Variants in SATL1 observed in about 807,000 individuals in gnomAD.
SATL1 encodes the protein spermidine/spermine N1-acetyl transferase like 1.
In SATL1, 47 loss-of-function variants were observed where a neutral mutation model predicts 51.8. The ratio of observed to expected loss-of-function variants is 0.91; its 90% confidence interval spans 0.72 to 1.16. The LOEUF (loss-of-function observed/expected upper bound fraction) is 1.16, where lower values mean the gene tolerates loss of function less well. Ranked by LOEUF, SATL1 falls within the 50% of genes most tolerant of loss-of-function variation. SATL1 has a pLI of 0.00. For synonymous variants in SATL1, 176 were observed against 182.4 expected (o/e 0.97, Z 0.28); for missense variants, 520 against 526.4 (o/e 0.99, Z 0.12).
At chrX:85,189,484 C>T (rs1244226065) in intron 2 of SATL1, among the ~76,000 whole-genome samples, 1 of 111,959 alleles carries the variant, frequency 8.9e-6, no homozygotes, top group African/African-American at 3.2e-5. Context: ...TTTTGGGCTT[C>T]CCCACAGTTA....
intron 2 of SATL1, among the ~76,000 whole-genome samples, chrX:85,163,719 G>T (rs893124071): frequency 7.2e-5 from 8 of 111,580 alleles, no homozygotes; most frequent in African/African-American, 2.6e-4. Flanking sequence ...CTGATGAAAA[G>T]AATGCATATT....
intron 2 of SATL1, among the ~76,000 whole-genome samples, chrX:85,216,235 A>G (rs1474361572): frequency 9.0e-6 from 1 of 111,038 alleles, no homozygotes; most frequent in African/African-American, 3.3e-5. Context: ...GCACCAAATC[A>G]TTCATGAGGA....
rs757470510 is a variant in SATL1, at chrX:85,128,834, G to A, written c.-312-19554C>T. 1.1e-4 allele frequency among the ~76,000 whole-genome samples: 12 copies of A among 112,056 alleles called. No individual in the cohort carries two copies. The East Asian group carries it at 2.2e-3, about 21-fold the overall frequency. On this transcript the variant is annotated intron_variant, in intron 2 of 7. Transcript: ENST00000644105. Reference sequence around the variant, plus strand: ...GAATTAATTTTTGTATAAGGTGTAAGGAAGGGATCCAGTTTCAGCTTTCTA... The same window carrying A: ...GAATTAATTTTTGTATAAGGTGTAAAGAAGGGATCCAGTTTCAGCTTTCTA...
chrX:85,191,146 T>C (rs1927429111), intron 2 of SATL1, among the ~76,000 whole-genome samples: 2 of 110,998 alleles, frequency 1.8e-5, no homozygotes, highest in Admixed American at 1.9e-4. Flanking sequence ...ATGATACCCA[T>C]TATTTATGCA....
intron 2 of SATL1, among the ~76,000 whole-genome samples, chrX:85,222,924 A>T (rs1928202828): frequency 8.9e-6 from 1 of 112,040 alleles, no homozygotes; most frequent in Non-Finnish European, 1.9e-5. Context: ...TACTCTTCTA[A>T]CTAGAAGTCT....
intron 2 of SATL1, chrX:85,211,021 G>T (rs1424300518): frequency 9.0e-6 from 1 of 111,189 alleles, no homozygotes; most frequent in Non-Finnish European, 1.9e-5. Flanking sequence ...CCTCAAGGGT[G>T]GTTGTGGGCA....
At chrX:85,119,801 A>T (rs1292941962) in intron 2 of SATL1, among the ~76,000 whole-genome samples, 1 of 111,408 alleles carries the variant, frequency 9.0e-6, no homozygotes, top group Non-Finnish European at 1.9e-5. Context: ...GTGGAGAAAA[A>T]CTATCCTTAA....
chrX:85,151,890 C>A (rs1926449534), intron 2 of SATL1, among the ~76,000 whole-genome samples: 1 of 111,283 alleles, frequency 9.0e-6, no homozygotes, highest in South Asian at 3.8e-4. Context: ...CAATACCATT[C>A]AGGACATAGG....
intron 2 of SATL1, among the ~76,000 whole-genome samples, chrX:85,114,825 C>G (rs1432800567): frequency 3.6e-5 from 4 of 112,516 alleles, no homozygotes; most frequent in African/African-American, 1.3e-4. Flanking sequence ...TCTATACAAT[C>G]TTAATCAGTT....
chrX:85,187,005 G>A (rs1006645413), intron 2 of SATL1, among the ~76,000 whole-genome samples: 3 of 111,521 alleles, frequency 2.7e-5, no homozygotes, highest in Non-Finnish European at 5.7e-5. Context: ...TCATCCATGG[G>A]CATGGGCTAT....
intron 3 of SATL1, among the ~76,000 whole-genome samples, chrX:85,104,894 A>G (rs1028257525): frequency 9.0e-5 from 10 of 111,614 alleles, no homozygotes; most frequent in African/African-American, 2.6e-4. Flanking sequence ...TTTTCAATCC[A>G]TGGTTGTTTG....
chrX:85,200,428 T>G (rs1927665252), intron 2 of SATL1, among the ~76,000 whole-genome samples: 1 of 112,326 alleles, frequency 8.9e-6, no homozygotes, highest in South Asian at 3.7e-4. Flanking sequence ...TATTATCTCA[T>G]TTAGCATTCG....
intron 2 of SATL1, among the ~76,000 whole-genome samples, chrX:85,156,813 T>TTATATATA (rs71933802): frequency 6.4e-5 from 4 of 62,246 alleles, no homozygotes; most frequent in Non-Finnish European, 8.3e-5. Flanking sequence ...CATGTGGAGA[T>TTATATATA]TATATATATA....
At chrX:85,231,601 T>C (rs759953561) in intron 1 of SATL1, among the ~76,000 whole-genome samples, 1 of 111,864 alleles carries the variant, frequency 8.9e-6, no homozygotes, top group African/African-American at 3.2e-5. Flanking sequence ...AGTGGCAGAG[T>C]GGTGCAAAGA....
At chrX:85,094,290 C>G (rs983766581) in intron 5 of SATL1, 61 bp from the exon 6 acceptor site, 17 of 613,341 alleles carry the variant, frequency 2.8e-5, no homozygotes, top group Non-Finnish European at 4.1e-5. Context: ...TTCTTTACCC[C>G]CAAATTGAAT....
At chrX:85,167,942 C>T (rs746172464) in intron 2 of SATL1, among the ~76,000 whole-genome samples, 3 of 110,173 alleles carry the variant, frequency 2.7e-5, no homozygotes, top group Admixed American at 1.9e-4. Context: ...CGATCAAGTA[C>T]GCTTTATCCC....
rs865804630 is a variant in SATL1, at chrX:85,108,469, C to T, written c.500G>A (p.Gly167Asp). 9 of 1,211,808 alleles carry T rather than the reference C, an allele frequency of 7.4e-6. No individual in the cohort carries two copies. In the East Asian group the frequency reaches 2.7e-4, roughly 36 times the overall value. The change falls in exon 3 of 8, where the codon GGC (glycine) becomes GAC (aspartate). Residue 167 changes from glycine to aspartate, a missense_variant. Physicochemically the swap from Gly to Asp is moderately conservative, Grantham distance 94 (BLOSUM62 -1). Transcript: ENST00000644105. ...TTGCCATGTGCCTGGTTGGCTCATG[C>T]CTATTTGGCTTGTGCCTAATTGGCT... ...GTSQLGTSQI[G>D]MSQPGTWQTG... is the part of the protein sequence containing the mutation.
intron 2 of SATL1, among the ~76,000 whole-genome samples, chrX:85,191,585 TACTGATA>T (rs1275095403): frequency 8.9e-6 from 1 of 112,012 alleles, no homozygotes; most frequent in Non-Finnish European, 1.9e-5. Context: ...CTAGAAGCCT[TACTGATA>T]ACATAAACAG....
chrX:85,152,452 C>T (rs1220928664), intron 2 of SATL1, among the ~76,000 whole-genome samples: 2 of 111,652 alleles, frequency 1.8e-5, no homozygotes, highest in Non-Finnish European at 3.8e-5. Context: ...TTTGACCCAG[C>T]CATCCCATTA....
Sources: allele counts gnomAD v4.1 joint callset (sites outside exome capture counted in the v4.1 genomes callset), GRCh38; gene constraint gnomAD v4.1.1; transcripts MANE v1.5; gene names NCBI Gene and HGNC (gene_info 2026-07-23, HGNC 2026-07-21).